Variants in PCSK5 observed in about 807,000 individuals in gnomAD.
PCSK5 encodes the protein proprotein convertase subtilisin/kexin type 5.
Under a neutral mutation model 233.2 loss-of-function variants are expected in PCSK5, and 129 were observed. The ratio of observed to expected loss-of-function variants is 0.55; its 90% CI spans 0.48 to 0.64. The LOEUF (loss-of-function observed/expected upper bound fraction) is 0.64. PCSK5 is among the 30% of genes least tolerant of loss of function. PCSK5 has a pLI of 0.00. For synonymous variants in PCSK5, 825 were observed against 879.2 expected (o/e 0.94, Z 1.09); for missense variants, 2,076 against 2,430.1 (o/e 0.85, Z 3.06).
At chr9:76,337,001 C>T (rs2643305) in intron 34 of PCSK5, among the ~76,000 whole-genome samples, 103,900 of 151,004 alleles carry the variant, frequency 0.69, 36,487 homozygotes, top group South Asian at 0.8. Context: ...TTAGTAGAAA[C>T]TTAATGAATA....
intron 2 of PCSK5, among the ~76,000 whole-genome samples, chr9:75,946,186 A>AT (rs1277598447): frequency 6.6e-6 from 1 of 152,098 alleles, no homozygotes; most frequent in African/African-American, 2.4e-5. Context: ...TGGAGCTGTA[A>AT]TTTTTTTCTT....
intron 3 of PCSK5, among the ~76,000 whole-genome samples, chr9:76,006,896 G>A (rs1827501785): frequency 6.6e-6 from 1 of 152,154 alleles, no homozygotes; most frequent in Non-Finnish European, 1.5e-5. Context: ...TGGTGTGGAG[G>A]TCCAGGAGAC....
At chr9:75,997,392 G>C (rs1251475743) in intron 3 of PCSK5, among the ~76,000 whole-genome samples, 1 of 152,160 alleles carries the variant, frequency 6.6e-6, no homozygotes, top group Non-Finnish European at 1.5e-5. Context: ...AAATTGTCTG[G>C]GGAGAAAGTA....
rs566331193 is a variant in PCSK5, at chr9:75,997,920, A to C, written c.411+11675A>C. Among the ~76,000 whole-genome samples, 4 of 152,300 alleles carry C rather than the reference A, an allele frequency of 2.6e-5. No homozygotes were observed. In the East Asian group the frequency reaches 7.7e-4, roughly 29 times the overall value. On this transcript the variant is annotated intron_variant, in intron 3 of 37. Transcript: ENST00000674117. The stretch of plus-strand genomic sequence containing the variant: ...TTTTGTTCTACTTCTTTTCTCTTTT[A>C]GTTTCCTGGTGAGTTGAATTTGACC...
intron 24 of PCSK5, among the ~76,000 whole-genome samples, chr9:76,290,383 G>A (rs1828240991): frequency 1.3e-5 from 2 of 152,102 alleles, no homozygotes; most frequent in South Asian, 4.2e-4. Flanking sequence ...TAATTAGCCT[G>A]GTTTTTGGTT....
intron 1 of PCSK5, among the ~76,000 whole-genome samples, chr9:75,925,713 C>A (rs1373539076): frequency 1.3e-5 from 2 of 151,998 alleles, no homozygotes; most frequent in African/African-American, 4.8e-5. Context: ...GTGCAAGGGC[C>A]CCAAGATTGG....
At chr9:76,101,049 A>G (rs2131665830) in intron 8 of PCSK5, among the ~76,000 whole-genome samples, 1 of 151,018 alleles carries the variant, frequency 6.6e-6, no homozygotes, top group Non-Finnish European at 1.5e-5. Context: ...ACCACTCTCT[A>G]CTCCTTTACC....
intron 12 of PCSK5, among the ~76,000 whole-genome samples, chr9:76,162,376 A>T (rs1002473048): frequency 1.3e-5 from 2 of 152,186 alleles, no homozygotes; most frequent in East Asian, 1.9e-4. Flanking sequence ...CCTAGTGGCA[A>T]GGAGGCCTCA....
intron 5 of PCSK5, among the ~76,000 whole-genome samples, chr9:76,066,909 T>G (rs1830307426): frequency 6.6e-6 from 1 of 152,148 alleles, no homozygotes; most frequent in Non-Finnish European, 1.5e-5. Flanking sequence ...TTTTCGTATC[T>G]CTGGTCCTCC....
At chr9:76,314,846 G>A (rs537335320) in intron 30 of PCSK5, among the ~76,000 whole-genome samples, 5 of 151,980 alleles carry the variant, frequency 3.3e-5, no homozygotes, top group Middle Eastern at 3.4e-3. Flanking sequence ...TCACCGTGTT[G>A]GCCAGGCTGG....
intron 19 of PCSK5, 67 bp downstream of exon 19, chr9:76,189,290 G>GAAAAT (rs3830384): frequency 0.31 from 405,706 of 1,323,028 alleles, 68,348 homozygotes; most frequent in East Asian, 0.57. Flanking sequence ...ATCTTCATAA[G>GAAAAT]AAAATAAGAA....
chr9:76,081,315 G>A (rs898580343), intron 7 of PCSK5, among the ~76,000 whole-genome samples: 3 of 152,032 alleles, frequency 2.0e-5, no homozygotes, highest in South Asian at 2.1e-4. Flanking sequence ...TTAGCTGGGC[G>A]TGGTAGCCCA....
chr9:76,196,858 T>C (rs1018171321), intron 20 of PCSK5, among the ~76,000 whole-genome samples: 1 of 152,172 alleles, frequency 6.6e-6, no homozygotes, highest in African/African-American at 2.4e-5. Context: ...AGATTCCATA[T>C]CCAGATTCAT....
intron 2 of PCSK5, among the ~76,000 whole-genome samples, chr9:75,981,894 A>G (rs2131384198): frequency 6.6e-6 from 1 of 152,276 alleles, no homozygotes; most frequent in South Asian, 2.1e-4. Flanking sequence ...TTTTGATTGT[A>G]TGATAGTGTG....
rs1481100061 is a variant in PCSK5, at chr9:76,121,822, T to TAGAA, written c.1209-12287_1209-12286insAGAA. Reference sequence around the variant, plus strand: ...AAACATCTCTTGTATTGGTTTTTTTTTTTTTTTTTTTTTTTTTTTGAGACG... The same window carrying TAGAA: ...AAACATCTCTTGTATTGGTTTTTTTTAGAATTTTTTTTTTTTTTTTTTTGAGACG... On this transcript the variant is annotated intron_variant, in intron 9 of 37. Transcript: ENST00000674117. Among the ~76,000 whole-genome samples, 109 of 20,348 alleles carry TAGAA rather than the reference T, an allele frequency of 5.4e-3. 3 individuals are homozygous for TAGAA. The highest frequency in any genetic ancestry group is 0.01 in the South Asian group (7 of 676). The allele number at this position is 20,348 out of a possible 152,430, so 13.3% of individuals were successfully genotyped here. A position where few individuals can be genotyped will look rare whatever the true frequency, so the allele number is the denominator to read the frequency against.
At chr9:76,065,504 T>G (rs770027756) in intron 5 of PCSK5, among the ~76,000 whole-genome samples, 4 of 152,214 alleles carry the variant, frequency 2.6e-5, no homozygotes, top group South Asian at 2.1e-4. Flanking sequence ...ATTTTAAAAT[T>G]GGATTACTTG....
At chr9:76,193,926 G>A (rs1284457956) in intron 20 of PCSK5, 2 of 152,672 alleles carry the variant, frequency 1.3e-5, no homozygotes, top group African/African-American at 4.8e-5. Context: ...AGTGAAACAT[G>A]GATACTCTCC....
intron 3 of PCSK5, among the ~76,000 whole-genome samples, chr9:76,017,401 C>G (rs1470284002): frequency 6.6e-6 from 1 of 152,042 alleles, no homozygotes. Flanking sequence ...AGGCTTTGCC[C>G]CTATATAGGT....
chr9:76,132,009 C>T (rs567224048), intron 9 of PCSK5, among the ~76,000 whole-genome samples: 1 of 152,202 alleles, frequency 6.6e-6, no homozygotes, highest in East Asian at 1.9e-4. Flanking sequence ...TTCTGCTTTA[C>T]CATAAATAAG....
Sources: gnomAD v4.1 joint callset for allele counts (sites outside exome capture counted in the v4.1 genomes callset) on GRCh38, gnomAD v4.1.1 for gene constraint, MANE v1.5 for transcripts, NCBI Gene and HGNC (gene_info 2026-07-23, HGNC 2026-07-21) for gene names.